TBC1D12: variants seen among roughly 807,000 people sequenced by gnomAD.
TBC1D12 encodes the protein TBC1 domain family member 12.
In TBC1D12, 56 loss-of-function variants were observed where a neutral mutation model predicts 86.7. The ratio of observed to expected loss-of-function variants is 0.65; its 90% CI spans 0.52 to 0.81. The LOEUF (loss-of-function observed/expected upper bound fraction) is 0.81. Among genes scored for constraint, TBC1D12 ranks in the 30% least tolerant of loss-of-function variants. The pLI is 0.00. For synonymous variants in TBC1D12, 421 were observed against 411.7 expected, an observed-to-expected ratio of 1.02 and a Z score of -0.27; for missense variants, 1,023 against 1,038.8, an observed-to-expected ratio of 0.98 and a Z score of 0.21.
At position 94,442,038 on chromosome 10, in the gene TBC1D12, A is replaced by C; in HGVS notation, c.1095+19A>C. The C allele has an allele frequency of 6.3e-7, 1 of 1,590,338 alleles. No homozygotes were observed. The highest frequency in any genetic ancestry group is 1.4e-5 in the African/African-American group (1 of 73,606). ...TCAGCAGGTAAGTACTGACATAGCC[A>C]TGTAGTTTACCCTAGCTTTTCAAGC... On this transcript the variant is annotated intron_variant, in intron 2 of 12. Transcript: ENST00000225235.
chr10:94,472,886 A>G (rs1222092227), intron 2 of TBC1D12, among the ~76,000 whole-genome samples: 3 of 152,206 alleles, frequency 2.0e-5, no homozygotes, highest in African/African-American at 7.2e-5. Context: ...GTGGTGATGC[A>G]AGGGAGCTCT....
chr10:94,503,847 A>T (rs2056429011), intron 6 of TBC1D12, among the ~76,000 whole-genome samples: 1 of 152,110 alleles, frequency 6.6e-6, no homozygotes, highest in Non-Finnish European at 1.5e-5. Context: ...CTGGTCTCGA[A>T]CTCTTGACCT....
intron 4 of TBC1D12, among the ~76,000 whole-genome samples, 152 bp from the exon 5 acceptor site, chr10:94,496,899 CCTTT>C (rs913931861): frequency 3.9e-5 from 6 of 152,264 alleles, no homozygotes; most frequent in Non-Finnish European, 5.9e-5. Flanking sequence ...TTTTTCCCTC[CCTTT>C]CTTTCCCTGT....
intron 1 of TBC1D12, among the ~76,000 whole-genome samples, chr10:94,412,529 G>A (rs2054941016): frequency 6.6e-6 from 1 of 152,222 alleles, no homozygotes; most frequent in African/African-American, 2.4e-5. Flanking sequence ...GGAACCGAAA[G>A]GAATGCTGAG....
intron 11 of TBC1D12, among the ~76,000 whole-genome samples, chr10:94,523,252 A>G (rs1466516462): frequency 1.4e-5 from 2 of 148,062 alleles, no homozygotes; most frequent in Admixed American, 1.4e-4. Context: ...AGAATCTCTC[A>G]GTTTGTGTTT....
intron 2 of TBC1D12, among the ~76,000 whole-genome samples, chr10:94,461,728 C>CA (rs35865238): frequency 0.16 from 24,102 of 152,202 alleles, 2,249 homozygotes; most frequent in East Asian, 0.38. Context: ...GCAGCACTGC[C>CA]AGAGGTTTCA....
rs533387764 is a variant in TBC1D12, at chr10:94,408,732, A to C, written c.971+5148A>C. On this transcript the variant is annotated intron_variant, in intron 1 of 12. Coordinates refer to ENST00000225235, the MANE Select transcript of TBC1D12 (RefSeq NM_015188.2). The stretch of plus-strand genomic sequence containing the variant: ...TGCCTCCACCAGTCAACTAAAATAA[A>C]AAACGACAGTTTCAAAGTGAGTTTC... Among the ~76,000 whole-genome samples, 3 of 152,278 alleles carry C rather than the reference A, an allele frequency of 2.0e-5. No individual in the cohort carries two copies. In the South Asian group the frequency reaches 6.2e-4, roughly 32 times the overall value.
chr10:94,465,670 A>ATATATGTG (rs1473804309), intron 2 of TBC1D12, among the ~76,000 whole-genome samples: 1 of 137,934 alleles, frequency 7.2e-6, no homozygotes, highest in African/African-American at 2.7e-5. Context: ...ATATATATAT[A>ATATATGTG]TGTGTGTGTG....
At chr10:94,452,635 G>A (rs1326925946) in intron 2 of TBC1D12, among the ~76,000 whole-genome samples, 1 of 151,968 alleles carries the variant, frequency 6.6e-6, no homozygotes, top group Non-Finnish European at 1.5e-5. Context: ...TTTTAGTGCT[G>A]AATAATATTC....
chr10:94,419,691 G>A (rs1234737536), intron 1 of TBC1D12, among the ~76,000 whole-genome samples: 1 of 152,082 alleles, frequency 6.6e-6, no homozygotes, highest in Non-Finnish European at 1.5e-5. Context: ...GACAAACTTA[G>A]AAGCAGCTCA....
chr10:94,464,255 A>G (rs1245838058), intron 2 of TBC1D12, among the ~76,000 whole-genome samples: 2 of 152,194 alleles, frequency 1.3e-5, no homozygotes, highest in Non-Finnish European at 2.9e-5. Context: ...ATATGATCAG[A>G]TTTAAATTTA....
At chr10:94,530,327 C>G (rs931286541) in intron 11 of TBC1D12, among the ~76,000 whole-genome samples, 9 of 152,012 alleles carry the variant, frequency 5.9e-5, no homozygotes, top group African/African-American at 2.2e-4. Flanking sequence ...TTTGGTGATT[C>G]TATTGGAAGG....
intron 9 of TBC1D12, among the ~76,000 whole-genome samples, chr10:94,520,667 C>CTT (rs1213043622): frequency 6.7e-6 from 1 of 149,208 alleles, no homozygotes; most frequent in African/African-American, 2.5e-5. Context: ...TGCAGGTGTT[C>CTT]TTTTTTTTTT....
At chr10:94,522,252 A>G in intron 10 of TBC1D12, 92 bp from the exon 11 acceptor site, 1 of 1,087,310 alleles carries the variant, frequency 9.2e-7, no homozygotes, top group South Asian at 2.0e-5. Context: ...GAGATTCTTA[A>G]TGAGCACGAT....
chr10:94,506,949 A>G (rs540693800), intron 6 of TBC1D12, among the ~76,000 whole-genome samples: 1 of 152,306 alleles, frequency 6.6e-6, no homozygotes, highest in East Asian at 1.9e-4. Context: ...GCAGAGCCAG[A>G]ATTTGAATCT....
At chr10:94,407,139 A>G (rs751872483) in intron 1 of TBC1D12, among the ~76,000 whole-genome samples, 25 of 152,236 alleles carry the variant, frequency 1.6e-4, no homozygotes, top group Non-Finnish European at 3.2e-4. Context: ...GTATTATGTT[A>G]AGACACATCA....
chr10:94,489,945 GT>G (rs2056224151), intron 3 of TBC1D12, among the ~76,000 whole-genome samples: 1 of 152,118 alleles, frequency 6.6e-6, no homozygotes, highest in Non-Finnish European at 1.5e-5. Context: ...TAATGAAATA[GT>G]TTGAAATATT....
chr10:94,495,674 T>C (rs1343487007), intron 4 of TBC1D12, among the ~76,000 whole-genome samples: 1 of 152,130 alleles, frequency 6.6e-6, no homozygotes, highest in Non-Finnish European at 1.5e-5. Context: ...ATGCGTAACA[T>C]GTGAGAGGCA....
At chr10:94,505,924 G>C (rs1019370338) in intron 6 of TBC1D12, among the ~76,000 whole-genome samples, 1 of 152,086 alleles carries the variant, frequency 6.6e-6, no homozygotes, top group Non-Finnish European at 1.5e-5. Flanking sequence ...ATATATTTAT[G>C]TATATGCTTG....
Sources: gnomAD v4.1 joint callset for allele counts (sites outside exome capture counted in the v4.1 genomes callset) on GRCh38, gnomAD v4.1.1 for gene constraint, MANE v1.5 for transcripts, NCBI Gene and HGNC (gene_info 2026-07-23, HGNC 2026-07-21) for gene names.